Variants in WDPCP observed in about 807,000 individuals in gnomAD.
WDPCP encodes WD repeat containing planar cell polarity effector.
Under a neutral mutation model 93.1 loss-of-function variants are expected in WDPCP, and 71 were observed. The ratio of observed to expected loss-of-function variants is 0.76; its 90% CI spans 0.63 to 0.93. The LOEUF is 0.93. WDPCP is among the 40% of genes least tolerant of loss of function. The pLI is 0.00. For synonymous variants in WDPCP, 315 were observed against 315.0 expected (o/e 1.00, Z 0.00); for missense variants, 844 against 887.4 (o/e 0.95, Z 0.62).
chr2:63,209,314 C>T, intron 14 of WDPCP, among the ~76,000 whole-genome samples: 1 of 152,228 alleles, frequency 6.6e-6, no homozygotes, highest in East Asian at 1.9e-4. Flanking sequence ...TTTCACTGGA[C>T]AGTAGGTAGG....
chr2:63,651,371 A>C (rs1341331749), intron 2 of WDPCP, among the ~76,000 whole-genome samples: 1 of 152,102 alleles, frequency 6.6e-6, no homozygotes, highest in African/African-American at 2.4e-5. Flanking sequence ...AGGGGAAGTC[A>C]CTCTGGTCTA....
At chr2:63,646,560 T>C (rs1710053588) in intron 3 of WDPCP, among the ~76,000 whole-genome samples, 1 of 152,182 alleles carries the variant, frequency 6.6e-6, no homozygotes, top group South Asian at 2.1e-4. Context: ...ATTTAAGTCC[T>C]TCCATTAGCA....
At chr2:63,815,632 C>A (rs1455093797) in intron 1 of WDPCP, among the ~76,000 whole-genome samples, 1 of 152,140 alleles carries the variant, frequency 6.6e-6, no homozygotes, top group Admixed American at 6.5e-5. Flanking sequence ...AGTCTCCACA[C>A]CACGGACCAG....
chr2:63,702,360 T>G (rs943790869), intron 2 of WDPCP, among the ~76,000 whole-genome samples: 5 of 152,196 alleles, frequency 3.3e-5, no homozygotes, highest in Non-Finnish European at 7.3e-5. Flanking sequence ...ATCTTCTAAT[T>G]ACACTGAATT....
At chr2:63,525,461 A>G (rs187162747) in intron 1 of WDPCP, among the ~76,000 whole-genome samples, 1 of 152,354 alleles carries the variant, frequency 6.6e-6, no homozygotes, top group Admixed American at 6.5e-5. Context: ...CTTCTTTTGG[A>G]TAGTGATCTG....
At chr2:63,139,892 C>A (rs1166428473) in intron 17 of WDPCP, among the ~76,000 whole-genome samples, 1 of 152,178 alleles carries the variant, frequency 6.6e-6, no homozygotes. Context: ...TTGCCTACGC[C>A]AATGTCTAGA....
intron 2 of WDPCP, among the ~76,000 whole-genome samples, chr2:63,714,985 T>C (rs1340528363): frequency 6.6e-6 from 1 of 152,120 alleles, no homozygotes; most frequent in Non-Finnish European, 1.5e-5. Flanking sequence ...TATTCAGTCA[T>C]AAAAAAAGAA....
At chr2:63,297,786 G>C (rs1255884645) in intron 13 of WDPCP, among the ~76,000 whole-genome samples, 1 of 152,098 alleles carries the variant, frequency 6.6e-6, no homozygotes, top group African/African-American at 2.4e-5. Flanking sequence ...AGAGTAATCA[G>C]GGATATATAC....
intron 9 of WDPCP, among the ~76,000 whole-genome samples, chr2:63,414,447 T>G (rs963553969): frequency 1.3e-5 from 2 of 150,656 alleles, no homozygotes; most frequent in Non-Finnish European, 2.9e-5. Context: ...ATAAAGAAAC[T>G]GTGATATATA....
chr2:63,139,170 T>TAC (rs143596446), intron 17 of WDPCP, among the ~76,000 whole-genome samples: 39,704 of 149,152 alleles, frequency 0.27, 5,885 homozygotes, highest in East Asian at 0.52. Flanking sequence ...TATATGTGTA[T>TAC]ACACACACAC....
chr2:63,615,130 C>T (rs1010312446), intron 3 of WDPCP, among the ~76,000 whole-genome samples: 3 of 152,182 alleles, frequency 2.0e-5, no homozygotes, highest in African/African-American at 7.2e-5. Context: ...AAATCACTTA[C>T]CTTTTAACAA....
In WDPCP at chr2:63,604,851, G is replaced by T; in HGVS notation, n.488+45808C>A. 2 of 1,614,132 alleles carry T rather than the reference G, an allele frequency of 1.2e-6. 1 individual carries two copies. Among genetic ancestry groups the T allele is most frequent in the Admixed American group, 3.3e-5 (2 of 60,016 alleles). On this transcript the variant is annotated intron_variant and non_coding_transcript_variant, in intron 3 of 4. Coordinates refer to the WDPCP transcript ENST00000467687. ...ATGAAGCTCTGAAAGATGACAGCTGGCTCAAGGGAGAATTTGTCACGGTAA... is the reference window on the plus strand; with the variant it reads ...ATGAAGCTCTGAAAGATGACAGCTGTCTCAAGGGAGAATTTGTCACGGTAA...
chr2:63,745,418 T>C (rs983765088), intron 2 of WDPCP, among the ~76,000 whole-genome samples: 1 of 152,228 alleles, frequency 6.6e-6, no homozygotes, highest in African/African-American at 2.4e-5. Flanking sequence ...TACCAGTTTC[T>C]CTACACTGTT....
At chr2:63,617,905 T>A (rs2106633826) in intron 3 of WDPCP, among the ~76,000 whole-genome samples, 1 of 152,338 alleles carries the variant, frequency 6.6e-6, no homozygotes, top group African/African-American at 2.4e-5. Flanking sequence ...ACATTTGTTT[T>A]CAACCCAGAT....
chr2:63,409,428 C>T lies in WDPCP; in HGVS notation c.826-4771G>A, dbSNP rs770695930. 4.6e-5 allele frequency among the ~76,000 whole-genome samples: 7 copies of T among 152,276 alleles called. 1 individual carries two copies. Among genetic ancestry groups the T allele is most frequent in the Non-Finnish European group, 7.4e-5 (5 of 68,026 alleles). On this transcript the variant is annotated intron_variant, in intron 9 of 17. Transcript: ENST00000272321. ...CTTCAACCCTAGACCTTCCGTCTGA[C>T]GGAGACTACCCAAATGAGAAGAAAC...
At chr2:63,722,980 C>G (rs1253999147) in intron 2 of WDPCP, among the ~76,000 whole-genome samples, 1 of 152,160 alleles carries the variant, frequency 6.6e-6, no homozygotes, top group East Asian at 1.9e-4. Flanking sequence ...GATCTGTGAC[C>G]TTACCCCCAA....
In WDPCP at chr2:63,776,074, T is replaced by TATACATACATAC. The variant is rs59262674; in HGVS notation, n.308+37536_308+37547dup. 1.9e-3 allele frequency among the ~76,000 whole-genome samples: 284 copies of TATACATACATAC among 146,908 alleles called. 2 individuals are homozygous for TATACATACATAC. The highest frequency in any genetic ancestry group is 2.9e-3 in the Admixed American group (43 of 14,582). The stretch of plus-strand genomic sequence containing the variant: ...GTGAGACTCTGCCTATAAATACACA[T>TATACATACATAC]ATACATACATACATACATACATACA... On this transcript the variant is annotated intron_variant and non_coding_transcript_variant, in intron 2 of 4. Coordinates refer to the WDPCP transcript ENST00000467687.
At chr2:63,658,894 A>G (rs916716357) in intron 2 of WDPCP, among the ~76,000 whole-genome samples, 1 of 152,212 alleles carries the variant, frequency 6.6e-6, no homozygotes, top group African/African-American at 2.4e-5. Flanking sequence ...CTTGAATCCT[A>G]ACTTAGAAAT....
chr2:63,412,407 TC>T (rs1475857514), intron 9 of WDPCP, among the ~76,000 whole-genome samples: 1 of 152,082 alleles, frequency 6.6e-6, no homozygotes, highest in Non-Finnish European at 1.5e-5. Context: ...TCTATGACAG[TC>T]CCACAGCCAA....
Sources: allele counts gnomAD v4.1 joint callset (sites outside exome capture counted in the v4.1 genomes callset), GRCh38; gene constraint gnomAD v4.1.1; transcripts MANE v1.5; gene names NCBI Gene and HGNC (gene_info 2026-07-23, HGNC 2026-07-21).